The following USP8 variants were observed in gnomAD, a reference collection of about 807,000 sequenced individuals.
USP8 encodes ubiquitin carboxyl-terminal hydrolase 8.
Under a neutral mutation model 130.0 loss-of-function variants are expected in USP8, and 27 were observed. That is an observed-to-expected ratio of 0.21 (90% CI 0.15 to 0.29). USP8 has a LOEUF of 0.29. USP8 is among the 10% of genes least tolerant of loss of function. The pLI, the probability that USP8 is intolerant of heterozygous loss-of-function variation, is 1.00. For missense variants in USP8, 1,029 were observed against 1,312.2 expected (o/e 0.78, Z 3.33); for synonymous variants, 392 against 444.1 (o/e 0.88, Z 1.48).
intron 3 of USP8, among the ~76,000 whole-genome samples, chr15:50,447,848 C>T (rs1479009959): frequency 6.6e-6 from 1 of 151,920 alleles, no homozygotes; most frequent in Admixed American, 6.6e-5. Flanking sequence ...AGCTATCCTC[C>T]TGCCTCTGCC....
At chr15:50,432,732 G>A (rs189256696) in intron 1 of USP8, among the ~76,000 whole-genome samples, 22 of 152,114 alleles carry the variant, frequency 1.4e-4, no homozygotes, top group African/African-American at 3.4e-4. Flanking sequence ...ACAATTTTAC[G>A]AAGCAGTACC....
chr15:50,471,453 G>A (rs1170607189), intron 7 of USP8, among the ~76,000 whole-genome samples, 180 bp from the exon 8 acceptor site: 3 of 152,152 alleles, frequency 2.0e-5, no homozygotes. Flanking sequence ...ATACAGTAGT[G>A]AAGGGGTTAA....
In USP8 at chr15:50,431,649, A is replaced by C. The variant is rs1365661488; in HGVS notation, c.-66+7135A>C. Among the ~76,000 whole-genome samples the C allele has an allele frequency of 2.0e-5, 3 of 152,144 alleles. No homozygotes were observed. In the East Asian group the frequency reaches 5.8e-4, roughly 29 times the overall value. ...ATTATTTCCCAATAACTTCTGTAAT[A>C]TTCCTTATTATTACTATTTTTTCCG... On this transcript the variant is annotated intron_variant, in intron 1 of 19. Transcript: ENST00000307179.
chr15:50,427,250 T>G (rs1475504404), intron 1 of USP8, among the ~76,000 whole-genome samples: 2 of 152,144 alleles, frequency 1.3e-5, no homozygotes, highest in Admixed American at 1.3e-4. Flanking sequence ...TCCAATTTCT[T>G]TAACCGTAAT....
intron 11 of USP8, 79 bp from the exon 12 acceptor site, chr15:50,484,196 G>A (rs1036871803): frequency 7.1e-5 from 76 of 1,070,542 alleles, no homozygotes; most frequent in African/African-American, 1.3e-4. Context: ...TCATAGATTC[G>A]GTTGTGTTAG....
intron 6 of USP8, among the ~76,000 whole-genome samples, chr15:50,462,810 A>G: frequency 6.6e-6 from 1 of 152,206 alleles, no homozygotes; most frequent in East Asian, 1.9e-4. Context: ...ATGAGCTAAT[A>G]TATGTAAATT....
intron 12 of USP8, among the ~76,000 whole-genome samples, chr15:50,487,918 G>C (rs765064591): frequency 2.0e-5 from 3 of 152,220 alleles, no homozygotes; most frequent in African/African-American, 7.2e-5. Context: ...GGTGGCACAA[G>C]CCTGCAGACC....
chr15:50,445,957 A>G (rs1023883250), intron 3 of USP8, among the ~76,000 whole-genome samples: 2 of 151,150 alleles, frequency 1.3e-5, no homozygotes, highest in Non-Finnish European at 1.5e-5. Flanking sequence ...TCAAAAAGTC[A>G]TCTTATGAAT....
At chr15:50,494,969 T>C (rs1449021090) in intron 16 of USP8, among the ~76,000 whole-genome samples, 2 of 150,996 alleles carry the variant, frequency 1.3e-5, no homozygotes, top group African/African-American at 4.9e-5. Flanking sequence ...GAGCCGAGAT[T>C]GCAGTGACCA....
chr15:50,449,738 C>A (rs1177431969), intron 4 of USP8, among the ~76,000 whole-genome samples: 8 of 151,470 alleles, frequency 5.3e-5, no homozygotes, highest in African/African-American at 1.9e-4. Context: ...CCCACCACCA[C>A]GCCCGGCTAA....
chr15:50,451,237 G>A (rs1014576120), intron 4 of USP8, among the ~76,000 whole-genome samples: 14 of 152,100 alleles, frequency 9.2e-5, no homozygotes, highest in Non-Finnish European at 1.6e-4. Flanking sequence ...GTAAAGCCCC[G>A]TCTCTACTGA....
chr15:50,464,813 C>T (rs1014762484), intron 6 of USP8, among the ~76,000 whole-genome samples: 1 of 152,100 alleles, frequency 6.6e-6, no homozygotes, highest in Non-Finnish European at 1.5e-5. Context: ...GAGATCATGC[C>T]ACTGCACTCC....
chr15:50,497,728 T>TA (rs2052472434), intron 18 of USP8: 1 of 152,244 alleles, frequency 6.6e-6, no homozygotes, highest in Non-Finnish European at 1.5e-5. Context: ...ACAAGAGTTA[T>TA]AAAACACGAA....
chr15:50,500,575 T>G lies in USP8; in HGVS notation c.*1487T>G. The G allele has an allele frequency of 1.9e-6, 1 of 529,882 alleles. No homozygotes were observed. Among genetic ancestry groups the G allele is most frequent in the Non-Finnish European group, 3.4e-6 (1 of 293,796 alleles). 32.8% of individuals were successfully genotyped at this position (529,882 alleles called of 1,614,324 possible). Reference sequence around the variant, plus strand: ...TAATGATGCAAGTAAGTTCTAAGAGTTTAATGACCAAGCAAAACTCTACCA... The same window carrying G: ...TAATGATGCAAGTAAGTTCTAAGAGGTTAATGACCAAGCAAAACTCTACCA... On this transcript the variant is annotated 3_prime_UTR_variant, in exon 20 of 20. Transcript: ENST00000307179.
At chr15:50,431,486 T>G (rs1017608322) in intron 1 of USP8, among the ~76,000 whole-genome samples, 1 of 152,160 alleles carries the variant, frequency 6.6e-6, no homozygotes, top group African/African-American at 2.4e-5. Context: ...TTATTCTTGT[T>G]AGTCAACATT....
chr15:50,434,650 G>A (rs1032392232), intron 1 of USP8, among the ~76,000 whole-genome samples: 2 of 151,654 alleles, frequency 1.3e-5, no homozygotes, highest in African/African-American at 4.8e-5. Flanking sequence ...GGGTCTTGCT[G>A]TGTCGCCCAG....
intron 7 of USP8, among the ~76,000 whole-genome samples, chr15:50,469,705 C>CT (rs1240899764): frequency 6.6e-6 from 1 of 152,138 alleles, no homozygotes; most frequent in Non-Finnish European, 1.5e-5. Context: ...TCCGGCCCAG[C>CT]TTGCCAGTAT....
chr15:50,450,312 T>C (rs1375771989), intron 4 of USP8, among the ~76,000 whole-genome samples: 1 of 152,168 alleles, frequency 6.6e-6, no homozygotes, highest in African/African-American at 2.4e-5. Flanking sequence ...ATGAAGTATT[T>C]ACTGTTACTT....
At chr15:50,451,556 C>T (rs1172930064) in intron 4 of USP8, among the ~76,000 whole-genome samples, 2 of 152,318 alleles carry the variant, frequency 1.3e-5, no homozygotes, top group South Asian at 2.1e-4. Context: ...TGGGTCCTTT[C>T]CAATTCTAAG....
Sources: allele counts gnomAD v4.1 joint callset (sites outside exome capture counted in the v4.1 genomes callset), GRCh38; gene constraint gnomAD v4.1.1; transcripts MANE v1.5; gene names NCBI Gene and HGNC (gene_info 2026-07-23, HGNC 2026-07-21).